Variants in TAF3 observed in about 807,000 individuals in gnomAD.
TAF3 encodes the protein transcription initiation factor TFIID subunit 3.
In TAF3, 7 loss-of-function variants were observed where a neutral mutation model predicts 80.6. The ratio of observed to expected loss-of-function variants is 0.09; its 90% confidence interval spans 0.05 to 0.16. TAF3 has a LOEUF of 0.16. TAF3 is among the 10% of genes least tolerant of loss of function. The pLI, the probability that TAF3 is intolerant of heterozygous loss-of-function variation, is 1.00. For missense variants in TAF3, 921 were observed against 1,140.2 expected (o/e 0.81, Z 2.77); for synonymous variants, 444 against 446.1 (o/e 1.00, Z 0.06).
intron 2 of TAF3, among the ~76,000 whole-genome samples, chr10:7,935,950 A>G (rs1275497726): frequency 6.6e-6 from 1 of 152,158 alleles, no homozygotes; most frequent in Non-Finnish European, 1.5e-5. Context: ...GGAGGAGTAG[A>G]GCACTCTCGA....
intron 2 of TAF3, among the ~76,000 whole-genome samples, chr10:7,831,269 C>T (rs1836797218): frequency 1.3e-5 from 2 of 151,944 alleles, no homozygotes; most frequent in South Asian, 4.2e-4. Flanking sequence ...TCCTTGTTAT[C>T]CTTAGCAGGT....
chr10:7,842,067 C>G (rs186074146), intron 2 of TAF3, among the ~76,000 whole-genome samples: 1 of 151,802 alleles, frequency 6.6e-6, no homozygotes, highest in African/African-American at 2.4e-5. Context: ...GGCAGAGGCC[C>G]TCCTATCGTT....
chr10:7,915,097 C>A (rs536382929), intron 2 of TAF3, among the ~76,000 whole-genome samples: 1 of 151,668 alleles, frequency 6.6e-6, no homozygotes. Flanking sequence ...CCTGCCACCA[C>A]GCCCAGCTAC....
At chr10:7,949,011 T>C (rs1838054553) in intron 2 of TAF3, among the ~76,000 whole-genome samples, 1 of 152,250 alleles carries the variant, frequency 6.6e-6, no homozygotes. Flanking sequence ...GAGCAAGAGC[T>C]GTGCCCGGCT....
At chr10:7,884,324 A>T (rs988022868) in intron 2 of TAF3, among the ~76,000 whole-genome samples, 9 of 150,498 alleles carry the variant, frequency 6.0e-5, no homozygotes, top group African/African-American at 2.2e-4. Flanking sequence ...CAAGAAGATG[A>T]TCTAGGCTCT....
intron 2 of TAF3, among the ~76,000 whole-genome samples, chr10:7,917,410 G>A (rs529181395): frequency 6.6e-6 from 1 of 152,320 alleles, no homozygotes. Context: ...GCATGAGAGG[G>A]AGTGAGCTTT....
At position 8,009,490 on chromosome 10, in the gene TAF3, G is replaced by A. The variant is rs1252606348; in HGVS notation, c.2568+160G>A. Reference sequence around the variant, plus strand: ...GGGTCTCCCTGTGTGGCTCAGGCTGGAGTACAGTGGCCCAATCATAGCTCA... The same window carrying A: ...GGGTCTCCCTGTGTGGCTCAGGCTGAAGTACAGTGGCCCAATCATAGCTCA... On this transcript the variant is annotated intron_variant, in intron 5 of 6. Transcript: ENST00000344293. This position sits in a 1 kb window ranked among gnomAD's most constrained non-coding sequence, Gnocchi z 4.1. Among the ~76,000 whole-genome samples, 2 of 152,308 alleles carry A rather than the reference G, an allele frequency of 1.3e-5. No homozygotes were observed. Among genetic ancestry groups the A allele is most frequent in the East Asian group, 3.9e-4 (2 of 5,188 alleles).
At chr10:7,896,896 C>CCCAG (rs1564358947) in intron 2 of TAF3, among the ~76,000 whole-genome samples, 5 of 152,128 alleles carry the variant, frequency 3.3e-5, no homozygotes, top group Non-Finnish European at 5.9e-5. Context: ...AGTTGGAAGG[C>CCCAG]CCTTTTCCAA....
At chr10:7,987,293 G>A (rs1831787978) in intron 4 of TAF3, among the ~76,000 whole-genome samples, 1 of 152,030 alleles carries the variant, frequency 6.6e-6, no homozygotes, top group Non-Finnish European at 1.5e-5. Context: ...ACCAGCTTGG[G>A]CAATAGGAGT....
chr10:7,880,068 G>A (rs527642162), intron 2 of TAF3, among the ~76,000 whole-genome samples: 4 of 152,060 alleles, frequency 2.6e-5, no homozygotes, highest in Non-Finnish European at 2.9e-5. Flanking sequence ...AAATTAGCTG[G>A]CCACCCCAAA....
intron 4 of TAF3, among the ~76,000 whole-genome samples, chr10:7,996,842 A>ATTT (rs34866346): frequency 1.9e-3 from 248 of 131,892 alleles, no homozygotes; most frequent in Middle Eastern, 0.011. Flanking sequence ...ACCACACTCT[A>ATTT]TTTTTTTTTT....
intron 3 of TAF3, 115 bp from the exon 4 acceptor site, chr10:7,977,125 CA>C: frequency 1.1e-6 from 1 of 889,556 alleles, no homozygotes; most frequent in Non-Finnish European, 1.8e-6. Context: ...AAATTTTAGC[CA>C]TATTTAAGGC....
intron 2 of TAF3, among the ~76,000 whole-genome samples, chr10:7,923,808 T>G (rs1837789988): frequency 6.6e-6 from 1 of 152,146 alleles, no homozygotes; most frequent in South Asian, 2.1e-4. Flanking sequence ...GGGGAAAAAT[T>G]GAATTTTTGC....
intron 2 of TAF3, among the ~76,000 whole-genome samples, chr10:7,880,306 T>G (rs1041541): frequency 0.22 from 33,366 of 152,158 alleles, 3,704 homozygotes; most frequent in Middle Eastern, 0.29. Flanking sequence ...CTTTGATTTA[T>G]CAGAGTGCCT....
intron 2 of TAF3, among the ~76,000 whole-genome samples, chr10:7,834,766 C>A (rs1836835061): frequency 6.6e-6 from 1 of 152,096 alleles, no homozygotes; most frequent in African/African-American, 2.4e-5. Context: ...ATTACACGTA[C>A]AATATTGCAA....
chr10:7,954,447 C>T (rs1285692705), intron 2 of TAF3, among the ~76,000 whole-genome samples: 5 of 125,766 alleles, frequency 4.0e-5, no homozygotes, highest in Admixed American at 8.3e-5. Flanking sequence ...ATTTAGAGTG[C>T]ACTCCATAGG....
At chr10:7,934,507 C>T (rs1433954682) in intron 2 of TAF3, among the ~76,000 whole-genome samples, 3 of 152,142 alleles carry the variant, frequency 2.0e-5, no homozygotes, top group African/African-American at 4.8e-5. Flanking sequence ...TGCAGTGGCA[C>T]GATCTCAGCT....
At chr10:7,827,242 C>T (rs1292310283) in intron 2 of TAF3, among the ~76,000 whole-genome samples, 1 of 152,216 alleles carries the variant, frequency 6.6e-6, no homozygotes, top group Non-Finnish European at 1.5e-5. Flanking sequence ...TCCCAAGTCA[C>T]TTTACCTTTC....
intron 4 of TAF3, among the ~76,000 whole-genome samples, chr10:8,005,909 T>A (rs749605178): frequency 6.6e-5 from 10 of 152,306 alleles, no homozygotes; most frequent in Non-Finnish European, 1.2e-4. Flanking sequence ...CAGACTGCCT[T>A]GTTTAAATCC....
Sources: allele counts gnomAD v4.1 joint callset (sites outside exome capture counted in the v4.1 genomes callset), GRCh38; gene constraint gnomAD v4.1.1; non-coding constraint Gnocchi (gnomAD v3.1); transcripts MANE v1.5; gene names NCBI Gene and HGNC (gene_info 2026-07-23, HGNC 2026-07-21).